SERPINA7: variants seen among roughly 807,000 people sequenced by gnomAD.
SERPINA7 encodes the protein serpin family A member 7.
In SERPINA7, 14 loss-of-function variants were observed where a neutral mutation model predicts 16.0. That is an observed-to-expected ratio of 0.88 (90% CI 0.58 to 1.37). SERPINA7 has a LOEUF of 1.37. Ranked by LOEUF, SERPINA7 falls within the 40% of genes most tolerant of loss-of-function variation. The pLI is 0.00. For synonymous variants in SERPINA7, 140 were observed against 111.0 expected, an observed-to-expected ratio of 1.26 and a Z score of -1.65; for missense variants, 335 against 296.6, an observed-to-expected ratio of 1.13 and a Z score of -0.95.
Position 106,032,484 on chromosome X carries a change from C to A in SERPINA7, c.*1016G>T, listed in dbSNP as rs2041415218. The A allele has an allele frequency of 8.9e-6, 1 of 112,310 alleles. No individual in the cohort carries two copies. Among genetic ancestry groups the A allele is most frequent in the Non-Finnish European group, 1.9e-5 (1 of 53,246 alleles). The allele number at this position is 112,310 out of a possible 1,213,427, so 9.3% of individuals were successfully genotyped here. Reference sequence around the variant, plus strand: ...TTTCAATATGGAAGTACAACATCTGCAACAGTACTTATGCATTTTTTTTAC... The same window carrying A: ...TTTCAATATGGAAGTACAACATCTGAAACAGTACTTATGCATTTTTTTTAC... On this transcript the variant is annotated 3_prime_UTR_variant, in exon 5 of 5. Transcript: ENST00000372563.
In SERPINA7 at chrX:106,035,263, C is replaced by A. The variant is rs1285024431; in HGVS notation, c.745G>T (p.Asp249Tyr). 2 of 1,211,233 alleles carry A rather than the reference C, an allele frequency of 1.7e-6. No homozygotes were observed. The highest frequency in any genetic ancestry group is 1.8e-5 in the South Asian group (1 of 56,981). Residue 249 changes from aspartate (D) to tyrosine (Y), a missense_variant, in exon 3 of 5, where the codon GAT becomes TAT. Coordinates refer to ENST00000372563, the MANE Select transcript of SERPINA7 (RefSeq NM_000354.6). ...HQMEQYYHLV[D>Y]MELNCTVLQM... ...AGAACTGTGCAGTTCAATTCCATAT[C>A]CACTAGGTGATAGTATTGTTCCATC... is the stretch of plus-strand genomic sequence containing the variant.
At chrX:106,035,452 AT>A in intron 2 of SERPINA7, 67 bp from the exon 3 acceptor site, 1 of 1,049,339 alleles carries the variant, frequency 9.5e-7, no homozygotes, top group Non-Finnish European at 1.3e-6. Context: ...GACCTTTTCC[AT>A]TAGTGATTTC....
chrX:106,035,355 T>C lies in SERPINA7; in HGVS notation c.653A>G (p.Lys218Arg), dbSNP rs372899948. The change falls in exon 3 of 5, where the codon AAG becomes AGG. Residue 218 changes from lysine (K) to arginine (R), a missense_variant. Physicochemically the swap from Lys to Arg is conservative, Grantham distance 26. Coordinates refer to ENST00000372563, the MANE Select transcript of SERPINA7 (RefSeq NM_000354.6). ...AQWANPFDPSKTEDSSSFLID... is the reference protein window; with the variant it reads ...AQWANPFDPSRTEDSSSFLID... Reference sequence around the variant, plus strand: ...TAAGAAGCTGGAACTGTCTTCTGTCTTGGATGGATCAAAAGGATTTGCCCA... The same window carrying C: ...TAAGAAGCTGGAACTGTCTTCTGTCCTGGATGGATCAAAAGGATTTGCCCA... The C allele has an allele frequency of 4.3e-5, 52 of 1,211,567 alleles. No homozygotes were observed. Among genetic ancestry groups the C allele is most frequent in the Non-Finnish European group, 5.8e-5 (52 of 895,055 alleles).
At chrX:106,033,912 T>C in intron 4 of SERPINA7, 1 of 733,485 alleles carries the variant, frequency 1.4e-6, no homozygotes, top group Non-Finnish European at 1.9e-6. Context: ...CCTCATTCAC[T>C]ATGGCCTGCT....
At position 106,033,662 on chromosome X, in the gene SERPINA7, A is replaced by T. The variant is rs1470761196; in HGVS notation, c.1086T>A (p.Thr362=). 3 of 1,209,616 alleles carry T rather than the reference A, an allele frequency of 2.5e-6. No homozygotes were observed. The African/African-American group carries it at 5.3e-5, about 21-fold the overall frequency. ...CAACTTCAGGGACAGCTGCAGCTTC[A>T]GTTCCCTTTTCACCAATGTGCAGCA... ...KAVLHIGEKG[T]EAAAVPEVEL... Residue 362 remains threonine, a synonymous_variant, in exon 5 of 5, where the codon ACT becomes ACA. Coordinates refer to ENST00000372563, the MANE Select transcript of SERPINA7 (RefSeq NM_000354.6).
chrX:106,035,035 T>C, intron 3 of SERPINA7, 77 bp downstream of exon 3: 1 of 1,125,889 alleles, frequency 8.9e-7, no homozygotes, highest in East Asian at 3.0e-5. Context: ...TTCTTCTGCC[T>C]CTGGGTTTCT....
chrX:106,035,679 A>G lies in SERPINA7; in HGVS notation c.623-294T>C, dbSNP rs144978488. 2.9e-3 allele frequency among the ~76,000 whole-genome samples: 329 copies of G among 112,077 alleles called. 1 individual carries two copies. The highest frequency in any genetic ancestry group is 0.027 in the Admixed American group (285 of 10,571). ...AGAGCCATAGTTTCCTCTTCCATAAAAAGGTATAACGACATCCAACACACT... is the reference window on the plus strand; with the variant it reads ...AGAGCCATAGTTTCCTCTTCCATAAGAAGGTATAACGACATCCAACACACT... On this transcript the variant is annotated intron_variant, in intron 2 of 4. Coordinates refer to ENST00000372563, the MANE Select transcript of SERPINA7 (RefSeq NM_000354.6).
In SERPINA7 at chrX:106,036,750, A is replaced by C. The variant is rs1041787500; in HGVS notation, c.309T>G (p.Thr103=). Residue 103 remains threonine (T), a synonymous_variant, in exon 2 of 5, where the codon ACT becomes ACG. Transcript: ENST00000372563. ...VETLGFNLTD[T]PMVEIQHGFQ... ...AGCCATGCTGGATCTCTACCATTGGAGTGTCTGTGAGGTTGAACCCCAAGG... is the reference window on the plus strand; with the variant it reads ...AGCCATGCTGGATCTCTACCATTGGCGTGTCTGTGAGGTTGAACCCCAAGG... The C allele has an allele frequency of 1.7e-6, 2 of 1,208,642 alleles. No individual in the cohort carries two copies. Among genetic ancestry groups the C allele is most frequent in the African/African-American group, 3.5e-5 (2 of 56,884 alleles).
chrX:106,035,962 T>C (rs1448286899), intron 2 of SERPINA7, among the ~76,000 whole-genome samples: 4 of 112,364 alleles, frequency 3.6e-5, no homozygotes, highest in South Asian at 3.7e-4. Context: ...TGGACACTTA[T>C]GAGTATTGAT....
intron 2 of SERPINA7, among the ~76,000 whole-genome samples, chrX:106,035,689 C>T (rs773357742): frequency 1.8e-5 from 2 of 112,039 alleles, no homozygotes; most frequent in Non-Finnish European, 1.9e-5. Context: ...AAAGGTATAA[C>T]GACATCCAAC....
In SERPINA7 at chrX:106,033,132, A is replaced by G. The variant is rs1043830552; in HGVS notation, c.*368T>C. Reference sequence around the variant, plus strand: ...GCATTGTTTTATGTCCATTGATCTTATTGGAGTACTGGGATACGAAGACCT... The same window carrying G: ...GCATTGTTTTATGTCCATTGATCTTGTTGGAGTACTGGGATACGAAGACCT... On this transcript the variant is annotated 3_prime_UTR_variant, in exon 5 of 5. Coordinates refer to ENST00000372563, the MANE Select transcript of SERPINA7 (RefSeq NM_000354.6). 1.2e-5 allele frequency: 3 copies of G among 248,175 alleles called. No homozygotes were observed. Among genetic ancestry groups the G allele is most frequent in the Non-Finnish European group, 2.2e-5 (3 of 136,809 alleles). The allele number at this position is 248,175 out of a possible 1,213,427, so 20.5% of individuals were successfully genotyped here.
rs372741779 is a variant in SERPINA7 at position 106,033,688 on chromosome X, C to G, written c.1060G>C (p.Val354Leu). 47 of 1,209,439 alleles carry G rather than the reference C, an allele frequency of 3.9e-5. No homozygotes were observed. Among genetic ancestry groups the G allele is most frequent in the Non-Finnish European group, 5.3e-5 (47 of 894,880 alleles). Reference sequence around the variant, plus strand: ...GTTCCCTTTTCACCAATGTGCAGCACAGCCTTATGGGCAGCCTGTGTGGGG... The same window carrying G: ...GTTCCCTTTTCACCAATGTGCAGCAGAGCCTTATGGGCAGCCTGTGTGGGG... ...LKLSNAAHKA[V>L]LHIGEKGTEA... is the part of the protein sequence containing the mutation. The change falls in exon 5 of 5, where the codon GTG becomes CTG. Residue 354 changes from valine to leucine, a missense_variant. Transcript: ENST00000372563.
rs755550765 is a variant in SERPINA7, at chrX:106,036,876, G to C, written c.183C>G (p.Thr61=). The change falls in exon 2 of 5, where the codon ACC becomes ACG. Residue 61 remains threonine, a synonymous_variant. Transcript: ENST00000372563. ...GGGAAAAGAAGATGTTCTTATCTGG[G>C]GTCTCCACAGTGAACCTCCGGTACA... ...FNLYRRFTVE[T]PDKNIFFSPV... 1.1e-5 allele frequency: 13 copies of C among 1,208,543 alleles called. No individual in the cohort carries two copies. The African/African-American group carries it at 2.3e-4, about 21-fold the overall frequency.
rs2041416593 is a variant in SERPINA7, at chrX:106,032,658, A to G, written c.*842T>C. On this transcript the variant is annotated 3_prime_UTR_variant, in exon 5 of 5. Coordinates refer to ENST00000372563, the MANE Select transcript of SERPINA7 (RefSeq NM_000354.6). ...GGTAGGTGGTAATGAGTTGGCATGTACAGGTAGAGGGAAGGTTGTTGAAGG... is the reference window on the plus strand; with the variant it reads ...GGTAGGTGGTAATGAGTTGGCATGTGCAGGTAGAGGGAAGGTTGTTGAAGG... 1 of 111,208 alleles carries G rather than the reference A, an allele frequency of 9.0e-6. No individual in the cohort carries two copies. Among genetic ancestry groups the G allele is most frequent in the East Asian group, 2.8e-4 (1 of 3,511 alleles). 9.2% of individuals were successfully genotyped at this position (111,208 alleles called of 1,213,427 possible).
In SERPINA7 at chrX:106,033,514, G is replaced by T; in HGVS notation, c.1234C>A (p.Pro412Thr). 8.3e-7 allele frequency: 1 copy of T among 1,211,165 alleles called. No individual in the cohort carries two copies. The highest frequency in any genetic ancestry group is 1.1e-6 in the Non-Finnish European group (1 of 895,056). ...CTTTTTCCCAACTACGCTTCCGTTG[G>T]GTTCACAACTTTCCCTAGAAAGAGA... Reference protein sequence around the residue: ...SILFLGKVVNPTEA With the variant: ...SILFLGKVVNTTEA The change falls in exon 5 of 5, where the codon CCA becomes ACA. Residue 412 changes from proline (P) to threonine (T), a missense_variant. Transcript: ENST00000372563.
At position 106,033,638 on chromosome X, in the gene SERPINA7, A is replaced by T; in HGVS notation, c.1110T>A (p.Val370=). The T allele has an allele frequency of 8.3e-7, 1 of 1,211,560 alleles. No individual in the cohort carries two copies. The highest frequency in any genetic ancestry group is 3.0e-5 in the East Asian group (1 of 33,806). Residue 370 remains valine (V), a synonymous_variant, in exon 5 of 5, where the codon GTT becomes GTA. Transcript: ENST00000372563. ...TGTTTTCAGGCTGATCCGAAAGTTC[A>T]ACTTCAGGGACAGCTGCAGCTTCAG... ...KGTEAAAVPE[V]ELSDQPENTF...
At chrX:106,034,436 T>C in intron 3 of SERPINA7, 54 bp from the exon 4 acceptor site, 1 of 977,168 alleles carries the variant, frequency 1.0e-6, no homozygotes, top group South Asian at 2.0e-5. Context: ...AGCTTATGAT[T>C]CTCTCCTTCT....
rs1485488236 is a variant in SERPINA7, at chrX:106,032,454, A to ATTTATTTC, written c.*1038_*1045dup. On this transcript the variant is annotated 3_prime_UTR_variant, in exon 5 of 5. Transcript: ENST00000372563. Reference sequence around the variant, plus strand: ...TACACATGCTTTTCTAAACATAAATATTTATTTCAATATGGAAGTACAACA... The same window carrying ATTTATTTC: ...TACACATGCTTTTCTAAACATAAATATTTATTTCTTTATTTCAATATGGAAGTACAACA... 4 of 112,219 alleles carry ATTTATTTC rather than the reference A, an allele frequency of 3.6e-5. No homozygotes were observed. The highest frequency in any genetic ancestry group is 7.5e-5 in the Non-Finnish European group (4 of 53,220). 9.2% of individuals were successfully genotyped at this position (112,219 alleles called of 1,213,427 possible).
At chrX:106,034,493 T>A in intron 3 of SERPINA7, 111 bp from the exon 4 acceptor site, 2 of 672,359 alleles carry the variant, frequency 3.0e-6, no homozygotes, top group Non-Finnish European at 4.8e-6. Context: ...TCCCTGAGTA[T>A]TGATAACCAT....
Sources: gnomAD v4.1 joint callset for allele counts (sites outside exome capture counted in the v4.1 genomes callset) on GRCh38, gnomAD v4.1.1 for gene constraint, MANE v1.5 for transcripts, NCBI Gene and HGNC (gene_info 2026-07-23, HGNC 2026-07-21) for gene names.